EIF4B: variants seen among roughly 807,000 people sequenced by gnomAD.
The protein encoded by EIF4B is eukaryotic translation initiation factor 4B.
A neutral mutation model predicts 79.3 loss-of-function variants in EIF4B; 8 were observed. That is an observed-to-expected ratio of 0.10 (90% CI 0.06 to 0.18). EIF4B has a LOEUF of 0.18. Among genes scored for constraint, EIF4B ranks in the 10% least tolerant of loss-of-function variants. EIF4B has a pLI of 1.00. For missense variants in EIF4B, 515 were observed against 792.4 expected (o/e 0.65, Z 4.20); for synonymous variants, 238 against 274.7 (o/e 0.87, Z 1.32).
At chr12:53,016,362 G>T in intron 1 of EIF4B, 111 bp from the exon 2 acceptor site, 1 of 1,397,740 alleles carries the variant, frequency 7.2e-7, no homozygotes. Flanking sequence ...TTAACCATTT[G>T]AGGAGCGTCC....
chr12:53,039,471 C>G, intron 13 of EIF4B, 128 bp downstream of exon 13: 1 of 1,218,772 alleles, frequency 8.2e-7, no homozygotes. Flanking sequence ...CCAACGTAGA[C>G]AGTTAAGATT....
At chr12:53,035,287 C>T (rs10747656) in intron 10 of EIF4B, among the ~76,000 whole-genome samples, 121,086 of 151,512 alleles carry the variant, frequency 0.8, 50,666 homozygotes, top group Non-Finnish European at 0.93. Context: ...TCACTGTAGC[C>T]TCACCTCCCT....
intron 10 of EIF4B, 51 bp from the exon 11 acceptor site, chr12:53,037,358 G>T: frequency 6.4e-7 from 1 of 1,568,164 alleles, no homozygotes; most frequent in South Asian, 1.2e-5. Flanking sequence ...CCTGGTAGAT[G>T]CGTGAGCATC....
Position 53,021,992 on chromosome 12 carries a change from T to C in EIF4B, c.532+132T>C, listed in dbSNP as rs1943252989. 10 of 1,115,602 alleles carry C rather than the reference T, an allele frequency of 9.0e-6. No individual in the cohort carries two copies. The South Asian group carries it at 1.4e-4, about 16-fold the overall frequency. The allele number at this position is 1,115,602 out of a possible 1,614,324, so 69.1% of individuals were successfully genotyped here. ...TACAGTAACAGTTTTCAATCAGTTT[T>C]GCCCCACAGGGGACTTCTGGCAATG... On this transcript the variant is annotated intron_variant, in intron 5 of 14. Coordinates refer to ENST00000262056, the MANE Select transcript of EIF4B (RefSeq NM_001417.7).
intron 2 of EIF4B, among the ~76,000 whole-genome samples, chr12:53,018,062 G>A (rs1257341678): frequency 6.6e-6 from 1 of 152,120 alleles, no homozygotes; most frequent in Non-Finnish European, 1.5e-5. Flanking sequence ...CAATATCTTG[G>A]CCCACTGCAA....
intron 3 of EIF4B, among the ~76,000 whole-genome samples, chr12:53,019,437 A>ATATATTTTTTTTTTCTTTTTTTTTTT (rs1943205076): frequency 2.0e-5 from 1 of 51,008 alleles, no homozygotes; most frequent in African/African-American, 6.6e-5. Flanking sequence ...ATATATATAT[A>ATATATTTTTTTTTTCTTTTTTTTTTT]TTTTTTTTTT....
At chr12:53,021,231 T>G (rs1943242821) in intron 4 of EIF4B, among the ~76,000 whole-genome samples, 1 of 152,188 alleles carries the variant, frequency 6.6e-6, no homozygotes, top group Admixed American at 6.5e-5. Context: ...AACCTAAGAT[T>G]GTAGACAAAG....
intron 13 of EIF4B, 82 bp from the exon 14 acceptor site, chr12:53,039,548 G>A: frequency 1.3e-6 from 2 of 1,514,782 alleles, no homozygotes; most frequent in Non-Finnish European, 1.8e-6. Flanking sequence ...CCTGTTCAGT[G>A]CCTTGAAACT....
rs1317312854 is a variant in EIF4B, at chr12:53,027,685, A to T, written c.668-97A>T. On this transcript the variant is annotated intron_variant, in intron 6 of 14. Coordinates refer to ENST00000262056, the MANE Select transcript of EIF4B (RefSeq NM_001417.7). ...TTGAAGAAATCAGATAGAAAATTTA[A>T]ATAAACAGATTCTTCCAAATTGGAC... is the stretch of plus-strand genomic sequence containing the variant. 3 of 1,451,902 alleles carry T rather than the reference A, an allele frequency of 2.1e-6. No individual in the cohort carries two copies. In the Admixed American group the frequency reaches 7.1e-5, roughly 34 times the overall value. 89.9% of individuals were successfully genotyped at this position (1,451,902 alleles called of 1,614,324 possible).
intron 8 of EIF4B, 99 bp downstream of exon 8, chr12:53,028,287 A>G (rs1470210060): frequency 6.9e-7 from 1 of 1,439,664 alleles, no homozygotes; most frequent in Non-Finnish European, 9.2e-7. Flanking sequence ...GCACAAATAT[A>G]ATTTGCACAT....
intron 8 of EIF4B, among the ~76,000 whole-genome samples, chr12:53,030,370 T>TA (rs112008009): frequency 0.024 from 3,483 of 142,432 alleles, 155 homozygotes; most frequent in African/African-American, 0.084. Flanking sequence ...AGACCCCATC[T>TA]AAAAAATAAT....
intron 10 of EIF4B, among the ~76,000 whole-genome samples, chr12:53,035,819 T>C (rs1227330945): frequency 6.6e-6 from 1 of 151,940 alleles, no homozygotes; most frequent in Non-Finnish European, 1.5e-5. Flanking sequence ...TTGCATTTCA[T>C]TCATTTATTT....
At position 53,006,523 on chromosome 12, in the gene EIF4B, G is replaced by A. The variant is rs1447791210; in HGVS notation, c.13+27G>A. The A allele has an allele frequency of 3.1e-6, 5 of 1,613,380 alleles. No individual in the cohort carries two copies. The African/African-American group carries it at 6.7e-5, about 22-fold the overall frequency. ...TGAGCGAGCAGCCGAGCGCGGCCAA[G>A]GACTGGGCTCTGAAACCCCCCTCCG... is the stretch of plus-strand genomic sequence containing the variant. On this transcript the variant is annotated intron_variant, in intron 1 of 14. Coordinates refer to ENST00000262056, the MANE Select transcript of EIF4B (RefSeq NM_001417.7).
intron 8 of EIF4B, among the ~76,000 whole-genome samples, chr12:53,033,016 T>A (rs904573934): frequency 4.6e-5 from 7 of 152,018 alleles, no homozygotes; most frequent in African/African-American, 1.7e-4. Flanking sequence ...TATTTATTTT[T>A]ATTTATTTAT....
intron 1 of EIF4B, among the ~76,000 whole-genome samples, chr12:53,007,418 GC>G (rs1232879087): frequency 5.0e-5 from 6 of 119,694 alleles, no homozygotes; most frequent in African/African-American, 2.1e-4. Flanking sequence ...GTAGATTTCA[GC>G]CTTTTTTTTT....
chr12:53,031,795 C>A (rs923800005), intron 8 of EIF4B, among the ~76,000 whole-genome samples: 2 of 152,194 alleles, frequency 1.3e-5, no homozygotes, highest in Middle Eastern at 6.3e-3. Context: ...CAAGTGTGGG[C>A]ATGATGAAGT....
intron 8 of EIF4B, among the ~76,000 whole-genome samples, chr12:53,031,467 G>A (rs891308980): frequency 2.0e-5 from 3 of 152,198 alleles, no homozygotes; most frequent in African/African-American, 4.8e-5. Flanking sequence ...CTAAAGATGG[G>A]GTTTCTCCAC....
At chr12:53,022,334 G>A in intron 5 of EIF4B, 159 bp from the exon 6 acceptor site, 1 of 1,030,544 alleles carries the variant, frequency 9.7e-7, no homozygotes, top group Non-Finnish European at 1.5e-6. Flanking sequence ...GCCACCTGGG[G>A]TTGAATTGGA....
intron 3 of EIF4B, 144 bp from the exon 4 acceptor site, chr12:53,019,766 C>T (rs1943218357): frequency 1.2e-5 from 8 of 651,650 alleles, no homozygotes; most frequent in Non-Finnish European, 1.8e-5. Context: ...TATCCCTCTG[C>T]ATCAGTTTTC....
Sources: allele counts gnomAD v4.1 joint callset (sites outside exome capture counted in the v4.1 genomes callset), GRCh38; gene constraint gnomAD v4.1.1; transcripts MANE v1.5; gene names NCBI Gene and HGNC (gene_info 2026-07-23, HGNC 2026-07-21).